Variants in SLC5A6 observed in about 807,000 individuals in gnomAD.
The protein encoded by SLC5A6 is sodium-dependent multivitamin transporter.
In SLC5A6, 31 loss-of-function variants were observed where a neutral mutation model predicts 67.9. The observed-to-expected ratio is 0.46, with a 90% CI of 0.34 to 0.62. The LOEUF (loss-of-function observed/expected upper bound fraction) is 0.62. SLC5A6 is among the 20% of genes least tolerant of loss of function. The probability of loss-of-function intolerance (pLI) is 0.01; values close to 1 mark genes in which losing one functional copy is unlikely to be tolerated. For missense variants in SLC5A6, 673 were observed against 812.8 expected, an observed-to-expected ratio of 0.83 and a Z score of 2.09; for synonymous variants, 343 against 331.0, an observed-to-expected ratio of 1.04 and a Z score of -0.39.
At chr2:27,202,721 A>C in intron 12 of SLC5A6, 92 bp downstream of exon 12, 10 of 1,052,448 alleles carry the variant, frequency 9.5e-6, no homozygotes, top group Non-Finnish European at 1.5e-5. Context: ...CCCCCCGGTC[A>C]TTCCCCTCAA....
At chr2:27,212,603 G>A, upstream of SLC5A6, 2 of 1,437,726 alleles carry the variant, frequency 1.4e-6, no homozygotes, top group Middle Eastern at 2.5e-4. Context: ...ACCCTGCCCA[G>A]CCAGGTCCTG....
intron 1 of SLC5A6, 98 bp downstream of exon 1, chr2:27,211,922 T>C (rs1231588866): frequency 2.6e-6 from 1 of 385,704 alleles, no homozygotes; most frequent in Non-Finnish European, 4.6e-6. Context: ...CACACGTGGG[T>C]AGCCAGAGCC....
rs1450866719 is a variant in SLC5A6, at chr2:27,212,108, C to T, written c.-296G>A. 11 of 1,476,932 alleles carry T rather than the reference C, an allele frequency of 7.4e-6. No individual in the cohort carries two copies. The Admixed American group carries it at 2.4e-4, about 32-fold the overall frequency. 91.5% of individuals were successfully genotyped at this position (1,476,932 alleles called of 1,614,324 possible). On this transcript the variant is annotated 5_prime_UTR_variant, in exon 1 of 17. Coordinates refer to ENST00000310574, the MANE Select transcript of SLC5A6 (RefSeq NM_021095.4). ...ACACCGGGCTGAGGGAGTCTGCAGT[C>T]GGCTCCGGGAAGCCGCGCGGCGACG...
chr2:27,207,112 G>T lies in SLC5A6; in HGVS notation c.393+146C>A. 1 of 1,079,312 alleles carries T rather than the reference G, an allele frequency of 9.3e-7. No individual in the cohort carries two copies. Among genetic ancestry groups the T allele is most frequent in the Non-Finnish European group, 1.4e-6 (1 of 722,910 alleles). 66.9% of individuals were successfully genotyped at this position (1,079,312 alleles called of 1,614,324 possible). ...TCCTGCCCCTATACCTAACATCACT[G>T]AGAAAGAATTATAAACACACAATGA... is the stretch of plus-strand genomic sequence containing the variant. On this transcript the variant is annotated intron_variant, in intron 3 of 16. Transcript: ENST00000310574. This position sits in a 1 kb window ranked among gnomAD's most constrained non-coding sequence, Gnocchi z 5.5.
Position 27,206,863 on chromosome 2 carries a change from C to T in SLC5A6, c.459+14G>A. On this transcript the variant is annotated intron_variant, in intron 4 of 16. Transcript: ENST00000310574. ...ACATGCCCTAGGCTCGGTTTCTATC[C>T]TCATTCTGCTTACCATCTGAAAGAT... 6.2e-7 allele frequency: 1 copy of T among 1,607,160 alleles called. No individual in the cohort carries two copies. Among genetic ancestry groups the T allele is most frequent in the Non-Finnish European group, 8.5e-7 (1 of 1,173,578 alleles).
At position 27,205,339 on chromosome 2, in the gene SLC5A6, G is replaced by A. The variant is rs182709077; in HGVS notation, c.734+11C>T. 1 of 1,613,610 alleles carries A rather than the reference G, an allele frequency of 6.2e-7. No homozygotes were observed. The highest frequency in any genetic ancestry group is 8.5e-7 in the Non-Finnish European group (1 of 1,179,746). ...ACTGCAGACCCCAGCCAGGAGTAGG[G>A]GTATACTTACTCAAACCCAGAGATG... On this transcript the variant is annotated intron_variant, in intron 7 of 16. Transcript: ENST00000310574.
At position 27,200,534 on chromosome 2, in the gene SLC5A6, C is replaced by T. The variant is rs770087006; in HGVS notation, c.1810G>A (p.Val604Met). 3 of 1,614,090 alleles carry T rather than the reference C, an allele frequency of 1.9e-6. No homozygotes were observed. Among genetic ancestry groups the T allele is most frequent in the South Asian group, 2.2e-5 (2 of 91,076 alleles). The part of the protein sequence containing the change: ...GLFPEKPRNG[V>M]LGDSRDKEAM... ...TCCTTGTCTCTGCTGTCCCCCAGCACACCATTCCTCGGCTTCTCAGGAAAC... is the reference window on the plus strand; with the variant it reads ...TCCTTGTCTCTGCTGTCCCCCAGCATACCATTCCTCGGCTTCTCAGGAAAC... Residue 604 changes from valine to methionine, a missense_variant, in exon 17 of 17, where the codon GTG becomes ATG. Transcript: ENST00000310574.
intron 2 of SLC5A6, among the ~76,000 whole-genome samples, chr2:27,210,346 G>C (rs997239902): frequency 1.3e-5 from 2 of 152,102 alleles, no homozygotes; most frequent in Non-Finnish European, 2.9e-5. Flanking sequence ...CATCTCTCCA[G>C]AAAGAGGGCG....
intron 5 of SLC5A6, 87 bp downstream of exon 5, chr2:27,206,396 T>C (rs1674066277): frequency 7.8e-7 from 1 of 1,289,794 alleles, no homozygotes; most frequent in Middle Eastern, 1.8e-4. Flanking sequence ...TCAGGTTCTT[T>C]TCCACATACG....
At chr2:27,212,763 G>A, upstream of SLC5A6, 2 of 808,492 alleles carry the variant, frequency 2.5e-6, no homozygotes, top group South Asian at 2.2e-5. Context: ...ATCTCTCTAC[G>A]CACGAACGCC....
intron 7 of SLC5A6, 103 bp downstream of exon 7, chr2:27,205,247 G>A (rs1160838192): frequency 5.8e-6 from 7 of 1,197,784 alleles, no homozygotes; most frequent in Middle Eastern, 2.2e-4. Flanking sequence ...TACACCTCAG[G>A]CTTCCCAGTT....
rs1389644366 is a variant in SLC5A6, at chr2:27,208,549, G to A, written c.-140-759C>T. The A allele has an allele frequency of 7.2e-5, 11 of 153,046 alleles. No homozygotes were observed. The South Asian group carries it at 1.7e-3, about 23-fold the overall frequency. 9.5% of individuals were successfully genotyped at this position (153,046 alleles called of 1,614,324 possible). ...TTCTGGAGAGAAGCAACCCAGTCAC[G>A]GAGCTGAGAGGCAAAGGGACCAGCC... On this transcript the variant is annotated intron_variant, in intron 2 of 16. Transcript: ENST00000310574.
rs753582959 is a variant in SLC5A6 at position 27,206,893 on chromosome 2, G to T, written c.443C>A (p.Thr148Asn). The T allele has an allele frequency of 1.9e-6, 3 of 1,613,546 alleles. No individual in the cohort carries two copies. Among genetic ancestry groups the T allele is most frequent in the Non-Finnish European group, 1.7e-6 (2 of 1,179,466 alleles). Residue 148 changes from threonine to asparagine, a missense_variant, in exon 4 of 17, where the codon ACC (threonine) becomes AAC (asparagine). Coordinates refer to ENST00000310574, the MANE Select transcript of SLC5A6 (RefSeq NM_021095.4). ...TCTGCTTACCATCTGAAAGATGAAG[G>T]TCACAGTTCCACACACTCGCACAGT... ...NKTVRVCGTV[T>N]FIFQMVIYMG...
chr2:27,211,659 C>A (rs893882740), intron 1 of SLC5A6, 126 bp from the exon 2 acceptor site: 3 of 156,074 alleles, frequency 1.9e-5, no homozygotes, highest in African/African-American at 7.2e-5. Flanking sequence ...GCGATCCAGG[C>A]TCGTGTCCTC....
intron 6 of SLC5A6, 40 bp downstream of exon 6, chr2:27,205,986 C>T (rs778855620): frequency 1.4e-6 from 2 of 1,467,822 alleles, no homozygotes; most frequent in Non-Finnish European, 1.9e-6. Context: ...CTCCTTACTT[C>T]ATCCCTTCCC....
At chr2:27,204,180 G>T (rs993364716) in intron 9 of SLC5A6, among the ~76,000 whole-genome samples, 3 of 152,170 alleles carry the variant, frequency 2.0e-5, no homozygotes, top group Admixed American at 1.3e-4. Flanking sequence ...AGAGGCTTAG[G>T]TGAGACCAGG....
chr2:27,204,553 G>A lies in SLC5A6; in HGVS notation c.913C>T (p.Leu305Phe), dbSNP rs752703836. The change falls in exon 9 of 17, where the codon CTC (leucine) becomes TTC (phenylalanine). Residue 305 changes from leucine (L) to phenylalanine (F), a missense_variant. By Grantham distance (22) the Leu-to-Phe change is conservative. Transcript: ENST00000310574. ...YAVFPFQQVS[L>F]CVGCLIGLVM... ...AGGCCAATGAGGCAGCCCACGCAGA[G>A]GGACACCTGCTGGAAGGGGAACACT... 2.5e-6 allele frequency: 4 copies of A among 1,614,114 alleles called. No homozygotes were observed. The highest frequency in any genetic ancestry group is 3.3e-5 in the Admixed American group (2 of 60,024).
chr2:27,200,605 G>C, intron 16 of SLC5A6, 26 bp from the exon 17 acceptor site: 2 of 1,600,468 alleles, frequency 1.2e-6, no homozygotes, highest in South Asian at 2.2e-5. Flanking sequence ...CAAAGGGGTG[G>C]AACTGGTGAA....
intron 5 of SLC5A6, 142 bp downstream of exon 5, chr2:27,206,341 G>A: frequency 1.3e-6 from 1 of 799,922 alleles, no homozygotes; most frequent in Non-Finnish European, 2.1e-6. Flanking sequence ...CTCTGGTAGA[G>A]ACCCACCCAA....
Sources: gnomAD v4.1 joint callset for allele counts (sites outside exome capture counted in the v4.1 genomes callset) on GRCh38, gnomAD v4.1.1 for gene constraint, Gnocchi (gnomAD v3.1) non-coding constraint, MANE v1.5 for transcripts, NCBI Gene and HGNC (gene_info 2026-07-23, HGNC 2026-07-21) for gene names.